VWA3A: variants seen among roughly 807,000 people sequenced by gnomAD.
VWA3A encodes von Willebrand factor A domain-containing protein 3A.
VWA3A carries 134 observed loss-of-function variants against 160.4 expected under a neutral mutation model. That is an observed-to-expected ratio of 0.84 (90% confidence interval 0.73 to 0.96). The LOEUF is 0.96. Ranked by LOEUF, VWA3A falls within the 40% of genes least tolerant of loss-of-function variation. VWA3A has a pLI of 0.00. For missense variants in VWA3A, 1,310 were observed against 1,447.9 expected, an observed-to-expected ratio of 0.90 and a Z score of 1.55; for synonymous variants, 476 against 543.4, an observed-to-expected ratio of 0.88 and a Z score of 1.72.
In VWA3A at chr16:22,092,579, T is replaced by A; in HGVS notation, c.-59T>A. The A allele has an allele frequency of 6.5e-7, 1 of 1,545,936 alleles. No homozygotes were observed. Among genetic ancestry groups the A allele is most frequent in the Non-Finnish European group, 8.7e-7 (1 of 1,143,414 alleles). On this transcript the variant is annotated 5_prime_UTR_variant, in exon 1 of 34. Transcript: ENST00000389398. ...GAGCTTGGAGAAACCAGAAGTGAGA[T>A]CCAGGAGAAGTAAGGCCCTGGAGTG...
intron 21 of VWA3A, among the ~76,000 whole-genome samples, chr16:22,134,667 T>C (rs1411903799): frequency 5.9e-5 from 9 of 151,982 alleles, no homozygotes; most frequent in South Asian, 4.2e-4. Flanking sequence ...GGTGTTTGTT[T>C]GTTTGTTTGT....
At chr16:22,107,916 T>C (rs912261690) in intron 6 of VWA3A, among the ~76,000 whole-genome samples, 20 of 152,192 alleles carry the variant, frequency 1.3e-4, no homozygotes, top group Admixed American at 1.1e-3. Flanking sequence ...TAAGAAAATA[T>C]GGCCAGTGAA....
intron 9 of VWA3A, among the ~76,000 whole-genome samples, chr16:22,115,828 C>T (rs948518933): frequency 3.5e-5 from 4 of 113,508 alleles, no homozygotes; most frequent in Non-Finnish European, 7.6e-5. Context: ...CAGAGTGAGA[C>T]CCAGGGAAGG....
intron 23 of VWA3A, chr16:22,141,187 A>T: frequency 2.2e-6 from 1 of 464,590 alleles, no homozygotes; most frequent in South Asian, 1.5e-5. Flanking sequence ...CATGTATTTT[A>T]TTTCTAATGT....
chr16:22,117,125 C>T lies in VWA3A; in HGVS notation c.939C>T (p.Asn313=), dbSNP rs367918879. 6.3e-7 allele frequency: 1 copy of T among 1,583,498 alleles called. No homozygotes were observed. Among genetic ancestry groups the T allele is most frequent in the Non-Finnish European group, 8.6e-7 (1 of 1,164,598 alleles). Residue 313 remains asparagine (N), a synonymous_variant, in exon 11 of 34, where the codon AAC becomes AAT. Transcript: ENST00000389398. ...DDQMPPAVLK[N]LAEAVRGYYH... is the part of the protein sequence containing the mutation. ...CATCCCTGCAGGCTGTCCTGAAGAA[C>T]CTTGCAGAAGCTGTTAGGGGCTACT...
intron 6 of VWA3A, 78 bp from the exon 7 acceptor site, chr16:22,109,404 T>C: frequency 1.6e-6 from 2 of 1,222,512 alleles, no homozygotes; most frequent in Non-Finnish European, 2.3e-6. Context: ...TTTGCATCAC[T>C]GCGTGGCACA....
chr16:22,130,907 G>C (rs1204946923), intron 17 of VWA3A, among the ~76,000 whole-genome samples: 2 of 152,116 alleles, frequency 1.3e-5, no homozygotes, highest in Non-Finnish European at 2.9e-5. Context: ...GATAGGGAGG[G>C]GAAATGTGCA....
chr16:22,132,655 T>TGTGGATGCTACTGGTCTA (rs2045968792), intron 19 of VWA3A: 1 of 512,634 alleles, frequency 2.0e-6, no homozygotes, highest in Admixed American at 3.3e-5. Flanking sequence ...TTCCAGGGGA[T>TGTGGATGCTACTGGTCTA]GTGGATGCTA....
At chr16:22,103,568 C>T (rs1166968552) in intron 6 of VWA3A, 39 bp downstream of exon 6, 1 of 1,547,236 alleles carries the variant, frequency 6.5e-7, no homozygotes, top group South Asian at 1.2e-5. Flanking sequence ...CCCTTTCACT[C>T]ATTCCATTTG....
chr16:22,097,506 G>T, intron 2 of VWA3A, 66 bp from the exon 3 acceptor site: 1 of 1,532,302 alleles, frequency 6.5e-7, no homozygotes, highest in Non-Finnish European at 8.8e-7. Context: ...AAAGAGAGGA[G>T]GCACTGGGGG....
intron 26 of VWA3A, 41 bp from the exon 27 acceptor site, chr16:22,146,195 A>T: frequency 3.3e-6 from 5 of 1,497,298 alleles, no homozygotes; most frequent in Admixed American, 1.8e-5. Context: ...TGAAGAAATG[A>T]CTGATGGGGT....
intron 5 of VWA3A, among the ~76,000 whole-genome samples, chr16:22,101,655 A>G (rs916820966): frequency 2.6e-5 from 4 of 152,248 alleles, no homozygotes; most frequent in Non-Finnish European, 5.9e-5. Flanking sequence ...CTCTCAAGCC[A>G]GTTAACCAAA....
chr16:22,131,795 T>C (rs908687545), intron 19 of VWA3A, 66 bp downstream of exon 19: 10 of 1,538,612 alleles, frequency 6.5e-6, no homozygotes, highest in Non-Finnish European at 5.3e-6. Context: ...CCCAGGTGGA[T>C]ACCTTGCCAA....
intron 31 of VWA3A, among the ~76,000 whole-genome samples, chr16:22,154,611 G>A (rs1183115122): frequency 2.0e-5 from 3 of 151,916 alleles, no homozygotes; most frequent in Non-Finnish European, 4.4e-5. Context: ...TTGGTAAGAT[G>A]TATTTTTAAG....
At chr16:22,126,411 G>A (rs1043007980) in intron 17 of VWA3A, 114 bp downstream of exon 17, 42 of 1,408,150 alleles carry the variant, frequency 3.0e-5, no homozygotes, top group Admixed American at 2.2e-4. Context: ...ATGGTCACCC[G>A]GCTTCCTAGG....
Position 22,155,837 on chromosome 16 carries a change from C to T in VWA3A, c.3504-14C>T. The T allele has an allele frequency of 6.2e-7, 1 of 1,613,916 alleles. No homozygotes were observed. Among genetic ancestry groups the T allele is most frequent in the Non-Finnish European group, 8.5e-7 (1 of 1,179,880 alleles). ...CACCAGGGAGACCATCTTTCTTCATCTCCTGCCCACCAGATCCCAACTCCA... is the reference window on the plus strand; with the variant it reads ...CACCAGGGAGACCATCTTTCTTCATTTCCTGCCCACCAGATCCCAACTCCA... On this transcript the variant is annotated splice_polypyrimidine_tract_variant and intron_variant, in intron 32 of 33. Transcript: ENST00000389398.
At position 22,154,878 on chromosome 16, in the gene VWA3A, C is replaced by T. The variant is rs1007346353; in HGVS notation, c.3406-689C>T. Among the ~76,000 whole-genome samples, 9 of 144,516 alleles carry T rather than the reference C, an allele frequency of 6.2e-5. No homozygotes were observed. In the South Asian group the frequency reaches 1.3e-3, roughly 21 times the overall value. The allele number at this position is 144,516 out of a possible 152,430, so 94.8% of individuals were successfully genotyped here. On this transcript the variant is annotated intron_variant, in intron 31 of 33. Transcript: ENST00000389398. The stretch of plus-strand genomic sequence containing the variant: ...CTGAGGCAGGAGAATGGCGTGAACC[C>T]GGGAAGCGGAGCTTGCAGTGAGCCG...
intron 25 of VWA3A, 134 bp from the exon 26 acceptor site, chr16:22,144,113 T>G: frequency 1.8e-6 from 2 of 1,118,892 alleles, no homozygotes; most frequent in Non-Finnish European, 2.5e-6. Flanking sequence ...GGATGGATGC[T>G]CTGTGAGGAC....
intron 11 of VWA3A, among the ~76,000 whole-genome samples, chr16:22,117,401 A>G (rs1567204156): frequency 6.6e-6 from 1 of 152,224 alleles, no homozygotes; most frequent in Non-Finnish European, 1.5e-5. Context: ...ATCAGCCTGT[A>G]TGATGCATTG....
Sources: gnomAD v4.1 joint callset for allele counts (sites outside exome capture counted in the v4.1 genomes callset) on GRCh38, gnomAD v4.1.1 for gene constraint, MANE v1.5 for transcripts, NCBI Gene and HGNC (gene_info 2026-07-23, HGNC 2026-07-21) for gene names.